JMJD6: variants seen among roughly 807,000 people sequenced by gnomAD.
JMJD6 encodes the protein bifunctional arginine demethylase and lysyl-hydroxylase JMJD6.
In JMJD6, 17 loss-of-function variants were observed where a neutral mutation model predicts 45.8. The ratio of observed to expected loss-of-function variants is 0.37; its 90% CI spans 0.25 to 0.56. JMJD6 has a LOEUF of 0.56. JMJD6 is among the 20% of genes least tolerant of loss of function. The probability of loss-of-function intolerance (pLI) is 0.79; values close to 1 mark genes in which losing one functional copy is unlikely to be tolerated. For missense variants in JMJD6, 470 were observed against 517.5 expected (o/e 0.91, Z 0.89); for synonymous variants, 221 against 196.3 (o/e 1.13, Z -1.05).
At chr17:76,724,142 TGA>T in intron 2 of JMJD6, 84 bp from the exon 3 acceptor site, 2 of 1,454,050 alleles carry the variant, frequency 1.4e-6, no homozygotes, top group East Asian at 4.6e-5. Flanking sequence ...AGTTTTTCTT[TGA>T]GAGTCTTGCT....
chr17:76,721,979 C>G (rs2076830814), intron 3 of JMJD6, 46 bp from the exon 4 acceptor site: 2 of 1,604,338 alleles, frequency 1.2e-6, no homozygotes, highest in South Asian at 1.1e-5. Flanking sequence ...GATCCTATAC[C>G]TAATTACTGT....
downstream of JMJD6, chr17:76,715,882 G>T (rs1415816730): frequency 2.0e-5 from 3 of 152,232 alleles, no homozygotes; most frequent in African/African-American, 7.2e-5. Context: ...TGTAACACAA[G>T]TCACCCACTT....
intron 5 of JMJD6, 88 bp downstream of exon 5, chr17:76,720,272 G>T: frequency 3.3e-6 from 4 of 1,209,836 alleles, no homozygotes; most frequent in Non-Finnish European, 4.9e-6. Context: ...CCTTCTCCTG[G>T]ATAGGAGGAG....
chr17:76,723,629 G>C (rs974831513), intron 3 of JMJD6, 143 bp downstream of exon 3: 25 of 761,998 alleles, frequency 3.3e-5, no homozygotes, highest in Non-Finnish European at 5.3e-5. Context: ...TTTTAGTAGA[G>C]ACGGGGTTTC....
At position 76,726,527 on chromosome 17, in the gene JMJD6, T is replaced by G. The variant is rs1458854920; in HGVS notation, c.-52A>C. 1.3e-6 allele frequency: 2 copies of G among 1,554,288 alleles called. No individual in the cohort carries two copies. The highest frequency in any genetic ancestry group is 1.7e-6 in the Non-Finnish European group (2 of 1,152,554). The stretch of plus-strand genomic sequence containing the variant: ...TACGACCTCGGCGCAGCCCGCTTCC[T>G]GACACTAACGCACCCCTCCCCGGCC... On this transcript the variant is annotated 5_prime_UTR_variant, in exon 1 of 6. Transcript: ENST00000397625.
rs781178800 is a variant in JMJD6, at chr17:76,718,833, T to C, written c.1108A>G (p.Thr370Ala). Residue 370 changes from threonine (T) to alanine (A), a missense_variant, in exon 6 of 6, where the codon ACA becomes GCA. Coordinates refer to ENST00000397625, the MANE Select transcript of JMJD6 (RefSeq NM_015167.3). Reference sequence around the variant, plus strand: ...CTCCTCTTCTTCCTGCGGTGCACTGTCCCATCGCCCTCGGATCCAGACTCG... The same window carrying C: ...CTCCTCTTCTTCCTGCGGTGCACTGCCCCATCGCCCTCGGATCCAGACTCG... ...ECESGSEGDG[T>A]VHRRKKRRTC... The C allele has an allele frequency of 1.2e-6, 2 of 1,614,140 alleles. No homozygotes were observed. Among genetic ancestry groups the C allele is most frequent in the Non-Finnish European group, 1.7e-6 (2 of 1,180,014 alleles).
intron 3 of JMJD6, among the ~76,000 whole-genome samples, 174 bp downstream of exon 3, chr17:76,723,598 G>A (rs2076856627): frequency 6.6e-6 from 1 of 151,894 alleles, no homozygotes; most frequent in Admixed American, 6.6e-5. Context: ...CCACCACCAC[G>A]CCCGGCTAAT....
At position 76,718,669 on chromosome 17, in the gene JMJD6, T is replaced by G. The variant is rs1255355987; in HGVS notation, c.*60A>C. On this transcript the variant is annotated 3_prime_UTR_variant, in exon 6 of 6. Transcript: ENST00000397625. ...GTCTGCAGGACTGGACAGGCCACCC[T>G]CCCCAGGCCCTGCCCTTGCCGCGAG... 3.8e-6 allele frequency: 6 copies of G among 1,581,042 alleles called. No individual in the cohort carries two copies. The highest frequency in any genetic ancestry group is 5.2e-6 in the Non-Finnish European group (6 of 1,163,798).
rs1019569616 is a variant in JMJD6, at chr17:76,720,601, GCCAGGTGTGT to G, written c.942-113_942-104del. On this transcript the variant is annotated intron_variant, in intron 4 of 5. Coordinates refer to ENST00000397625, the MANE Select transcript of JMJD6 (RefSeq NM_015167.3). ...GTGTCTCTCAGAAACACCTGGGAAT[GCCAGGTGTGT>G]CCGTTCAGAATGGATACTGTACAAT... 9 of 1,119,408 alleles carry G rather than the reference GCCAGGTGTGT, an allele frequency of 8.0e-6. No homozygotes were observed. In the African/African-American group the frequency reaches 1.1e-4, roughly 13 times the overall value. 69.3% of individuals were successfully genotyped at this position (1,119,408 alleles called of 1,614,324 possible). A position where few individuals can be genotyped will look rare whatever the true frequency, so the allele number is the denominator to read the frequency against.
At chr17:76,722,928 A>AAG (rs2076846165) in intron 3 of JMJD6, among the ~76,000 whole-genome samples, 1 of 151,942 alleles carries the variant, frequency 6.6e-6, no homozygotes, top group South Asian at 2.1e-4. Context: ...CAAACAAAGA[A>AAG]AAGTTGTATC....
downstream of JMJD6, chr17:76,714,130 A>C (rs1038489233): frequency 2.0e-5 from 3 of 152,158 alleles, no homozygotes; most frequent in African/African-American, 7.2e-5. Flanking sequence ...GTCACCCTAA[A>C]CATCCCAGTA....
At chr17:76,726,223 G>C in intron 1 of JMJD6, 124 bp downstream of exon 1, 3 of 1,295,472 alleles carry the variant, frequency 2.3e-6, no homozygotes, top group Non-Finnish European at 3.0e-6. Flanking sequence ...ACTCCGCGGG[G>C]TGCGGGTGAG....
chr17:76,718,472 A>G lies in JMJD6; in HGVS notation c.*257T>C. On this transcript the variant is annotated 3_prime_UTR_variant, in exon 6 of 6. Coordinates refer to ENST00000397625, the MANE Select transcript of JMJD6 (RefSeq NM_015167.3). ...AAGATAGAAAATGGATTCAATTTTTATTAAATAATGTAAAGGATTTTCTTG... is the reference window on the plus strand; with the variant it reads ...AAGATAGAAAATGGATTCAATTTTTGTTAAATAATGTAAAGGATTTTCTTG... The G allele has an allele frequency of 7.6e-7, 1 of 1,309,794 alleles. No homozygotes were observed. The highest frequency in any genetic ancestry group is 3.8e-5 in the Admixed American group (1 of 26,324). 81.1% of individuals were successfully genotyped at this position (1,309,794 alleles called of 1,614,324 possible). A position where few individuals can be genotyped will look rare whatever the true frequency, so the allele number is the denominator to read the frequency against.
intron 4 of JMJD6, chr17:76,721,262 C>G (rs2076820708): frequency 2.4e-6 from 1 of 417,330 alleles, no homozygotes; most frequent in South Asian, 1.6e-5. Context: ...CCCTCTCTTA[C>G]CCCGAGAGCT....
At position 76,724,013 on chromosome 17, in the gene JMJD6, G is replaced by A. The variant is rs769252327; in HGVS notation, c.564C>T (p.Ile188=). 21 of 1,614,030 alleles carry A rather than the reference G, an allele frequency of 1.3e-5. No homozygotes were observed. Among genetic ancestry groups the A allele is most frequent in the Admixed American group, 6.7e-5 (4 of 60,002 alleles). ...GPPRSGTGIH[I]DPLGTSAWNA... ...TCCAGGCACTGGTTCCCAGAGGGTC[G>A]ATGTGAATCCCAGTTCCGGAGCGTG... Residue 188 remains isoleucine, a synonymous_variant, in exon 3 of 6, where the codon ATC becomes ATT. Coordinates refer to ENST00000397625, the MANE Select transcript of JMJD6 (RefSeq NM_015167.3).
downstream of JMJD6, chr17:76,713,606 G>C (rs185147874): frequency 6.6e-6 from 1 of 152,288 alleles, no homozygotes; most frequent in African/African-American, 2.4e-5. Context: ...ACAATCTAAA[G>C]AACCTACAGC....
intron 2 of JMJD6, 83 bp downstream of exon 2, chr17:76,725,384 C>A (rs2076899505): frequency 7.7e-7 from 1 of 1,298,004 alleles, no homozygotes; most frequent in Non-Finnish European, 1.0e-6. Context: ...GCAGCCTGGG[C>A]TACAAGAGTG....
At chr17:76,723,324 G>A (rs1375568799) in intron 3 of JMJD6, among the ~76,000 whole-genome samples, 1 of 152,066 alleles carries the variant, frequency 6.6e-6, no homozygotes, top group African/African-American at 2.4e-5. Context: ...ATAGCTACAT[G>A]TTACTGTCAG....
rs759764246 is a variant in JMJD6, at chr17:76,720,357, C to G, written c.1080+3G>C. On this transcript the variant is annotated splice_donor_region_variant and intron_variant, in intron 5 of 5. Transcript: ENST00000397625. The stretch of plus-strand genomic sequence containing the variant: ...AGGAGTCAGCCAGAGAGCAAGGCCT[C>G]ACCTCTGAGTCGGAGTCTGACGAAC... The G allele has an allele frequency of 5.0e-6, 8 of 1,614,022 alleles. No individual in the cohort carries two copies. In the East Asian group the frequency reaches 1.8e-4, roughly 36 times the overall value.
Sources: gnomAD v4.1 joint callset for allele counts (sites outside exome capture counted in the v4.1 genomes callset) on GRCh38, gnomAD v4.1.1 for gene constraint, MANE v1.5 for transcripts, NCBI Gene and HGNC (gene_info 2026-07-23, HGNC 2026-07-21) for gene names.